Variants in PRLR observed in about 807,000 individuals in gnomAD.
The protein encoded by PRLR is hPRL receptor.
PRLR carries 13 observed loss-of-function variants against 40.2 expected under a neutral mutation model. The ratio of observed to expected loss-of-function variants is 0.32; its 90% CI spans 0.21 to 0.51. The LOEUF (loss-of-function observed/expected upper bound fraction) is 0.51, where lower values mean the gene tolerates loss of function less well. PRLR is among the 20% of genes least tolerant of loss of function. The pLI is 0.97. For missense variants in PRLR, 656 were observed against 747.3 expected (o/e 0.88, Z 1.42); for synonymous variants, 269 against 278.7 (o/e 0.97, Z 0.35).
At chr5:35,104,211 C>T (rs765806540) in intron 2 of PRLR, among the ~76,000 whole-genome samples, 28 of 152,318 alleles carry the variant, frequency 1.8e-4, no homozygotes, top group Middle Eastern at 3.4e-3. Flanking sequence ...GTAGGGCACA[C>T]TGAACTGTAT....
chr5:35,103,736 A>G (rs1041278230), intron 2 of PRLR, among the ~76,000 whole-genome samples: 1 of 152,220 alleles, frequency 6.6e-6, no homozygotes, highest in Admixed American at 6.5e-5. Context: ...TGGGAGACAG[A>G]AATTAATATT....
intron 3 of PRLR, among the ~76,000 whole-genome samples, chr5:35,086,888 G>T (rs1400460596): frequency 1.3e-5 from 2 of 152,114 alleles, no homozygotes; most frequent in South Asian, 4.2e-4. Context: ...AACTCAACTT[G>T]TTCCTGATCT....
chr5:35,089,084 T>TA (rs1221540280), intron 3 of PRLR, among the ~76,000 whole-genome samples: 2 of 152,204 alleles, frequency 1.3e-5, no homozygotes, highest in African/African-American at 4.8e-5. Flanking sequence ...GCACAGATAA[T>TA]AGAGTCGGCT....
intron 1 of PRLR, among the ~76,000 whole-genome samples, chr5:35,138,712 C>T (rs1028787794): frequency 9.9e-5 from 15 of 152,166 alleles, no homozygotes; most frequent in African/African-American, 3.6e-4. Context: ...CAGTCAAAAA[C>T]AATACATGGT....
At chr5:35,189,474 G>A (rs1242165884) in intron 1 of PRLR, among the ~76,000 whole-genome samples, 1 of 152,042 alleles carries the variant, frequency 6.6e-6, no homozygotes, top group African/African-American at 2.4e-5. Flanking sequence ...CCAGCTACTA[G>A]GGAGGCTGAG....
chr5:35,172,719 A>C (rs1412661973), intron 1 of PRLR, among the ~76,000 whole-genome samples: 1 of 152,164 alleles, frequency 6.6e-6, no homozygotes, highest in Non-Finnish European at 1.5e-5. Flanking sequence ...ATGCGGCAGC[A>C]TGAGCTCCCT....
intron 1 of PRLR, among the ~76,000 whole-genome samples, chr5:35,119,507 G>A (rs1445973726): frequency 6.6e-6 from 1 of 152,132 alleles, no homozygotes; most frequent in Non-Finnish European, 1.5e-5. Context: ...GGCCATCTGA[G>A]CATAAGACAG....
chr5:35,194,332 G>A (rs1775679960), intron 1 of PRLR, among the ~76,000 whole-genome samples: 1 of 152,206 alleles, frequency 6.6e-6, no homozygotes, highest in Non-Finnish European at 1.5e-5. Context: ...GCAGGTCAGT[G>A]AGGGGCTGCC....
chr5:35,166,751 A>C (rs987091427), intron 1 of PRLR, among the ~76,000 whole-genome samples: 1 of 152,174 alleles, frequency 6.6e-6, no homozygotes, highest in Non-Finnish European at 1.5e-5. Context: ...TGAGGCACAC[A>C]TATAATGGCC....
intron 1 of PRLR, among the ~76,000 whole-genome samples, chr5:35,225,465 G>A (rs1776524502): frequency 6.6e-6 from 1 of 152,138 alleles, no homozygotes; most frequent in Middle Eastern, 3.2e-3. Context: ...GAAGAAGGGG[G>A]AAAAAGGTCC....
intron 1 of PRLR, chr5:35,152,872 G>A (rs1774380074): frequency 6.6e-6 from 1 of 152,192 alleles, no homozygotes; most frequent in Non-Finnish European, 1.5e-5. Context: ...ATGAAGGGAA[G>A]TGGATAAAGG....
chr5:35,070,474 A>C (rs916077554), intron 6 of PRLR, among the ~76,000 whole-genome samples: 2 of 152,090 alleles, frequency 1.3e-5, no homozygotes. Context: ...TCCATTTGGG[A>C]CTCTACTTCA....
intron 2 of PRLR, among the ~76,000 whole-genome samples, chr5:35,103,465 A>G (rs1409108655): frequency 6.6e-6 from 1 of 152,224 alleles, no homozygotes. Flanking sequence ...GGCAGATCCC[A>G]GTAAATCTTC....
Position 35,061,886 on chromosome 5 carries a change from TG to T in PRLR, c.*3202del, listed in dbSNP as rs1385628653. 2.0e-5 allele frequency: 3 copies of T among 152,174 alleles called. No homozygotes were observed. Among genetic ancestry groups the T allele is most frequent in the African/African-American group, 7.2e-5 (3 of 41,454 alleles). The allele number at this position is 152,174 out of a possible 1,614,324, so 9.4% of individuals were successfully genotyped here. A position where few individuals can be genotyped will look rare whatever the true frequency, so the allele number is the denominator to read the frequency against. ...ACAGCCAAATATAAGAAAAGAGATT[TG>T]GGGCTGTTGGATTCAGCAAGGAATG... is the stretch of plus-strand genomic sequence containing the variant. On this transcript the variant is annotated 3_prime_UTR_variant, in exon 10 of 10. Transcript: ENST00000618457.
chr5:35,126,867 G>A (rs1773487199), intron 1 of PRLR, among the ~76,000 whole-genome samples: 1 of 152,100 alleles, frequency 6.6e-6, no homozygotes, highest in Non-Finnish European at 1.5e-5. Flanking sequence ...TAGGAAATAA[G>A]AACCATTATT....
chr5:35,098,623 C>T (rs1484851607), intron 2 of PRLR, among the ~76,000 whole-genome samples: 3 of 152,168 alleles, frequency 2.0e-5, no homozygotes, highest in African/African-American at 7.2e-5. Flanking sequence ...AATAACTTTA[C>T]TTTGCCATAA....
At chr5:35,095,905 C>T (rs1200321676) in intron 2 of PRLR, among the ~76,000 whole-genome samples, 2 of 152,176 alleles carry the variant, frequency 1.3e-5, no homozygotes, top group Non-Finnish European at 2.9e-5. Flanking sequence ...GTAAAGTGTT[C>T]ACCTCTGATT....
At chr5:35,092,601 T>C (rs1023263031) in intron 2 of PRLR, among the ~76,000 whole-genome samples, 1 of 152,186 alleles carries the variant, frequency 6.6e-6, no homozygotes, top group African/African-American at 2.4e-5. Context: ...AAGATCTTGA[T>C]CGAGGGCAGG....
intron 1 of PRLR, among the ~76,000 whole-genome samples, chr5:35,226,531 C>G (rs1776557497): frequency 6.6e-6 from 1 of 152,174 alleles, no homozygotes; most frequent in South Asian, 2.1e-4. Context: ...TCTAAAGGGC[C>G]CATCTTCAGA....
Sources: allele counts gnomAD v4.1 joint callset (sites outside exome capture counted in the v4.1 genomes callset), GRCh38; gene constraint gnomAD v4.1.1; transcripts MANE v1.5; gene names NCBI Gene and HGNC (gene_info 2026-07-23, HGNC 2026-07-21).